The following ELOVL6 variants were observed in gnomAD, a reference collection of about 807,000 sequenced individuals.
ELOVL6 encodes the protein very long chain fatty acid elongase 6.
Under a neutral mutation model 31.7 loss-of-function variants are expected in ELOVL6, and 8 were observed. The ratio of observed to expected loss-of-function variants is 0.25; its 90% confidence interval spans 0.15 to 0.45. The LOEUF is 0.45. ELOVL6 is among the 20% of genes least tolerant of loss of function. The probability of loss-of-function intolerance (pLI) is 1.00; values close to 1 mark genes in which losing one functional copy is unlikely to be tolerated. For missense variants in ELOVL6, 126 were observed against 326.4 expected (o/e 0.39, Z 4.73); for synonymous variants, 101 against 117.7 (o/e 0.86, Z 0.92).
At chr4:110,091,297 G>C (rs1386060553) in intron 2 of ELOVL6, among the ~76,000 whole-genome samples, 1 of 152,158 alleles carries the variant, frequency 6.6e-6, no homozygotes, top group Non-Finnish European at 1.5e-5. Context: ...CATGTATAAG[G>C]TGGCAAAAAT....
chr4:110,141,511 G>C (rs1380871575), intron 1 of ELOVL6, among the ~76,000 whole-genome samples: 1 of 151,932 alleles, frequency 6.6e-6, no homozygotes, highest in Non-Finnish European at 1.5e-5. Context: ...AGGAGATCTA[G>C]GGACCAGGAG....
At chr4:110,059,515 A>C in intron 3 of ELOVL6, 88 bp downstream of exon 3, 1 of 1,397,690 alleles carries the variant, frequency 7.2e-7, no homozygotes, top group Non-Finnish European at 9.7e-7. Flanking sequence ...ACAAAATAGG[A>C]CCTTCAAAAT....
chr4:110,160,652 A>G (rs1758606256), intron 1 of ELOVL6, among the ~76,000 whole-genome samples: 1 of 152,240 alleles, frequency 6.6e-6, no homozygotes. Context: ...AATACTAAAA[A>G]TATGCATGTT....
chr4:110,097,343 C>T (rs1210015842), intron 2 of ELOVL6, among the ~76,000 whole-genome samples: 1 of 146,726 alleles, frequency 6.8e-6, no homozygotes, highest in African/African-American at 2.5e-5. Context: ...TCCTCTACCC[C>T]ACTACCTTTC....
intron 1 of ELOVL6, among the ~76,000 whole-genome samples, chr4:110,148,300 T>C (rs1231503404): frequency 2.0e-5 from 3 of 151,986 alleles, no homozygotes; most frequent in Non-Finnish European, 4.4e-5. Flanking sequence ...AGAATGGCTA[T>C]TATTAAAGGA....
chr4:110,197,998 G>A, intron 1 of ELOVL6: 1 of 587,136 alleles, frequency 1.7e-6, no homozygotes, highest in Non-Finnish European at 3.0e-6. Flanking sequence ...TATGTTCTGT[G>A]TTATATAATC....
At chr4:110,089,477 C>G (rs1322648336) in intron 2 of ELOVL6, among the ~76,000 whole-genome samples, 1 of 152,138 alleles carries the variant, frequency 6.6e-6, no homozygotes, top group Non-Finnish European at 1.5e-5. Context: ...ACCCAATCCC[C>G]TATGTATACT....
intron 1 of ELOVL6, among the ~76,000 whole-genome samples, chr4:110,152,780 G>A (rs780996568): frequency 3.4e-4 from 52 of 152,298 alleles, no homozygotes; most frequent in Non-Finnish European, 4.4e-4. Flanking sequence ...GAGTGTGTGC[G>A]TACACATGCA....
rs1759202890 is a variant in ELOVL6, at chr4:110,179,197, A to G, written c.89+19050T>C. Reference sequence around the variant, plus strand: ...CGAGACAAATAAAATACATGTATGTAAACTTCAGAAAATAGGGCAAAAATA... The same window carrying G: ...CGAGACAAATAAAATACATGTATGTGAACTTCAGAAAATAGGGCAAAAATA... On this transcript the variant is annotated intron_variant, in intron 1 of 3. Coordinates refer to ENST00000302274, the MANE Select transcript of ELOVL6 (RefSeq NM_024090.3). Among the ~76,000 whole-genome samples the G allele has an allele frequency of 3.3e-5, 5 of 152,192 alleles. No homozygotes were observed. In the South Asian group the frequency reaches 1.0e-3, roughly 32 times the overall value.
chr4:110,084,350 TGA>T (rs1383245096), intron 2 of ELOVL6, among the ~76,000 whole-genome samples: 1 of 122,506 alleles, frequency 8.2e-6, no homozygotes, highest in African/African-American at 3.1e-5. Flanking sequence ...ATATGATATA[TGA>T]TATATACCGC....
chr4:110,072,657 A>G (rs1755524790), intron 2 of ELOVL6, among the ~76,000 whole-genome samples: 1 of 152,098 alleles, frequency 6.6e-6, no homozygotes, highest in African/African-American at 2.4e-5. Flanking sequence ...TGCTTCTTCA[A>G]GAGAAATCCC....
chr4:110,059,324 C>T (rs1755077049), intron 3 of ELOVL6, among the ~76,000 whole-genome samples: 1 of 152,114 alleles, frequency 6.6e-6, no homozygotes, highest in African/African-American at 2.4e-5. Flanking sequence ...GGTCTCTGTA[C>T]ATTTTATAAG....
chr4:110,189,921 C>T (rs575878560), intron 1 of ELOVL6, among the ~76,000 whole-genome samples: 42 of 150,152 alleles, frequency 2.8e-4, no homozygotes, highest in Non-Finnish European at 4.0e-4. Flanking sequence ...GAGCCGAGAT[C>T]ATGCCACTGC....
intron 2 of ELOVL6, among the ~76,000 whole-genome samples, chr4:110,061,549 C>CTTTTTTTTTTTTTTTTTTTTCTTTTTTTT (rs1755139583): frequency 1.4e-5 from 1 of 72,366 alleles, no homozygotes; most frequent in Non-Finnish European, 2.6e-5. Context: ...CAAATGATGG[C>CTTTTTTTTTTTTTTTTTTTTCTTTTTTTT]TTTTTTTTTT....
chr4:110,158,657 A>ATATTTTTTTTT lies in ELOVL6; in HGVS notation c.89+39589_89+39590insAAAAAAAAATA. 5.0e-3 allele frequency among the ~76,000 whole-genome samples: 369 copies of ATATTTTTTTTT among 74,130 alleles called. 9 individuals are homozygous for ATATTTTTTTTT. The highest frequency in any genetic ancestry group is 7.5e-3 in the African/African-American group (90 of 12,068). The allele number at this position is 74,130 out of a possible 152,430, so 48.6% of individuals were successfully genotyped here. A position where few individuals can be genotyped will look rare whatever the true frequency, so the allele number is the denominator to read the frequency against. On this transcript the variant is annotated intron_variant, in intron 1 of 3. Coordinates refer to ENST00000302274, the MANE Select transcript of ELOVL6 (RefSeq NM_024090.3). The stretch of plus-strand genomic sequence containing the variant: ...CGTGTATATATATATATATATATAT[A>ATATTTTTTTTT]TTTTTTTTTTTTTTTTTTTTGAGAC...
intron 2 of ELOVL6, among the ~76,000 whole-genome samples, chr4:110,087,958 T>C (rs1157721418): frequency 6.6e-6 from 1 of 152,206 alleles, no homozygotes; most frequent in South Asian, 2.1e-4. Context: ...TTTTTCAGAT[T>C]CCGGCCTTCG....
chr4:110,126,616 A>G (rs1335358851), intron 1 of ELOVL6, among the ~76,000 whole-genome samples: 1 of 152,154 alleles, frequency 6.6e-6, no homozygotes, highest in African/African-American at 2.4e-5. Context: ...ACATTTTTGA[A>G]CTAAGCATTT....
chr4:110,110,189 C>T (rs549039358), intron 1 of ELOVL6, among the ~76,000 whole-genome samples: 20 of 152,166 alleles, frequency 1.3e-4, no homozygotes, highest in African/African-American at 4.1e-4. Flanking sequence ...GACCCAGAGA[C>T]TAGAGGAAAT....
chr4:110,189,289 A>T (rs540380556), intron 1 of ELOVL6, among the ~76,000 whole-genome samples: 12 of 152,202 alleles, frequency 7.9e-5, no homozygotes, highest in African/African-American at 2.6e-4. Context: ...GTCTCTATTT[A>T]AAAAAGAGAG....
Sources: gnomAD v4.1 joint callset for allele counts (sites outside exome capture counted in the v4.1 genomes callset) on GRCh38, gnomAD v4.1.1 for gene constraint, MANE v1.5 for transcripts, NCBI Gene and HGNC (gene_info 2026-07-23, HGNC 2026-07-21) for gene names.